PARP11: variants seen among roughly 807,000 people sequenced by gnomAD.
PARP11 encodes the protein poly(ADP-ribose) polymerase family member 11, also known as protein mono-ADP-ribosyltransferase PARP11.
Under a neutral mutation model 42.9 loss-of-function variants are expected in PARP11, and 31 were observed. The ratio of observed to expected loss-of-function variants is 0.72; its 90% CI spans 0.54 to 0.98. The LOEUF is 0.98. Ranked by LOEUF, PARP11 falls within the 50% of genes least tolerant of loss-of-function variation. The pLI is 0.00. For synonymous variants in PARP11, 137 were observed against 127.3 expected, an observed-to-expected ratio of 1.08 and a Z score of -0.51; for missense variants, 365 against 413.1, an observed-to-expected ratio of 0.88 and a Z score of 1.01.
chr12:3,840,929 C>A lies in PARP11; in HGVS notation c.19-10911G>T. The A allele has an allele frequency of 1.2e-6, 2 of 1,604,170 alleles. No homozygotes were observed. The highest frequency in any genetic ancestry group is 1.3e-5 in the African/African-American group (1 of 74,868). ...TCTCCAGAGGTACATCTAACTCCTG[C>A]AGTGCCTTCTTTACCAGCCACTGTG... On this transcript the variant is annotated intron_variant, in intron 1 of 7. Transcript: ENST00000228820. The surrounding 1 kb of genome is among the most constrained non-coding windows in gnomAD (Gnocchi z 4.4).
At chr12:3,847,159 G>C (rs565330829) in intron 1 of PARP11, among the ~76,000 whole-genome samples, 1 of 152,212 alleles carries the variant, frequency 6.6e-6, no homozygotes, top group Admixed American at 6.5e-5. Flanking sequence ...CCAACAATAA[G>C]TAACAAGATT....
At position 3,811,833 on chromosome 12, in the gene PARP11, C is replaced by T. The variant is rs1330755808; in HGVS notation, c.*290G>A. On this transcript the variant is annotated 3_prime_UTR_variant, in exon 8 of 8. Coordinates refer to ENST00000228820, the MANE Select transcript of PARP11 (RefSeq NM_020367.6). Reference sequence around the variant, plus strand: ...CGTAAACTTTAAAGATCTCAATGACCACATTAGTTGAGACTCAGCTGATTC... The same window carrying T: ...CGTAAACTTTAAAGATCTCAATGACTACATTAGTTGAGACTCAGCTGATTC... The T allele has an allele frequency of 4.8e-5, 16 of 331,192 alleles. No individual in the cohort carries two copies. Among genetic ancestry groups the T allele is most frequent in the Non-Finnish European group, 2.2e-5 (4 of 185,034 alleles). The allele number at this position is 331,192 out of a possible 1,614,324, so 20.5% of individuals were successfully genotyped here.
At chr12:3,814,248 ATTAATC>A (rs1487996890) in intron 6 of PARP11, 60 bp from the exon 7 acceptor site, 2 of 1,345,836 alleles carry the variant, frequency 1.5e-6, no homozygotes, top group Non-Finnish European at 2.0e-6. Context: ...AGTAGCATTT[ATTAATC>A]TTAATGAGCA....
Position 3,873,350 on chromosome 12 carries a change from C to G in PARP11, c.-121G>C, listed in dbSNP as rs1948530763. 4.5e-6 allele frequency: 4 copies of G among 893,604 alleles called. No homozygotes were observed. The highest frequency in any genetic ancestry group is 7.2e-6 in the Non-Finnish European group (4 of 555,832). The allele number at this position is 893,604 out of a possible 1,614,324, so 55.4% of individuals were successfully genotyped here. ...CGAAGGGACGGAGATGCAACCTTTA[C>G]GAAGGCCTTCCTCCTCCCCCTCCCT... On this transcript the variant is annotated 5_prime_UTR_variant, in exon 1 of 8. Transcript: ENST00000228820.
At chr12:3,845,448 G>C (rs1255702012) in intron 1 of PARP11, among the ~76,000 whole-genome samples, 1 of 152,198 alleles carries the variant, frequency 6.6e-6, no homozygotes, top group Non-Finnish European at 1.5e-5. Context: ...ACTTGCTTAT[G>C]ATTGACTTGG....
intron 1 of PARP11, among the ~76,000 whole-genome samples, chr12:3,866,329 TCTC>T (rs1029774541): frequency 6.6e-6 from 1 of 152,152 alleles, no homozygotes; most frequent in African/African-American, 2.4e-5. Context: ...CACTTTGACT[TCTC>T]CTCAGCTTGT....
In PARP11 at chr12:3,859,361, G is replaced by A. The variant is rs575451015; in HGVS notation, c.18+13851C>T. Among the ~76,000 whole-genome samples the A allele has an allele frequency of 8.6e-5, 13 of 151,922 alleles. No homozygotes were observed. The South Asian group carries it at 2.5e-3, about 29-fold the overall frequency. On this transcript the variant is annotated intron_variant, in intron 1 of 7. Transcript: ENST00000228820. Reference sequence around the variant, plus strand: ...GAGTGGATCACAAGGTCAGGAGATCGAGACCAACTTGACCAACACGGTGAA... The same window carrying A: ...GAGTGGATCACAAGGTCAGGAGATCAAGACCAACTTGACCAACACGGTGAA...
At chr12:3,830,571 CACAT>C (rs1947618392) in intron 1 of PARP11, among the ~76,000 whole-genome samples, 1 of 152,172 alleles carries the variant, frequency 6.6e-6, no homozygotes. Flanking sequence ...AATGTTTACA[CACAT>C]ATATAGAAAA....
Position 3,861,494 on chromosome 12 carries a change from T to C in PARP11, c.18+11718A>G, listed in dbSNP as rs144840918. Among the ~76,000 whole-genome samples the C allele has an allele frequency of 1.5e-3, 232 of 152,344 alleles. 3 individuals are homozygous for C. In the East Asian group the frequency reaches 0.029, roughly 19 times the overall value. ...TCTTCTTTGGTGCAGTGTCTATTCATATCTTTAGCTCACTTTAAAAAATTG... is the reference window on the plus strand; with the variant it reads ...TCTTCTTTGGTGCAGTGTCTATTCACATCTTTAGCTCACTTTAAAAAATTG... On this transcript the variant is annotated intron_variant, in intron 1 of 7. Transcript: ENST00000228820. The surrounding 1 kb of genome is among the most constrained non-coding windows in gnomAD (Gnocchi z 4.6).
rs776186682 is a variant in PARP11, at chr12:3,828,871, T to C, written c.268+39A>G. 5.1e-6 allele frequency: 8 copies of C among 1,582,422 alleles called. No homozygotes were observed. The Admixed American group carries it at 1.0e-4, about 20-fold the overall frequency. ...AGAGCTGTAGATTTTATCATATCAATATACTAAAAACACACAACTATTAGG... is the reference window on the plus strand; with the variant it reads ...AGAGCTGTAGATTTTATCATATCAACATACTAAAAACACACAACTATTAGG... On this transcript the variant is annotated intron_variant, in intron 3 of 7. Coordinates refer to ENST00000228820, the MANE Select transcript of PARP11 (RefSeq NM_020367.6).
At position 3,809,149 on chromosome 12, in the gene PARP11, C is replaced by T. The variant is rs113462095; in HGVS notation, c.*2974G>A. ...CTAGGTTTATGTCTATTCATTCTCCCCACCCACTCTATGGGATGATAACAG... is the reference window on the plus strand; with the variant it reads ...CTAGGTTTATGTCTATTCATTCTCCTCACCCACTCTATGGGATGATAACAG... On this transcript the variant is annotated 3_prime_UTR_variant, in exon 8 of 8. Transcript: ENST00000228820. The T allele has an allele frequency of 3.9e-5, 6 of 152,174 alleles. No homozygotes were observed. Among genetic ancestry groups the T allele is most frequent in the African/African-American group, 1.4e-4 (6 of 41,488 alleles). 9.4% of individuals were successfully genotyped at this position (152,174 alleles called of 1,614,324 possible). A position where few individuals can be genotyped will look rare whatever the true frequency, so the allele number is the denominator to read the frequency against.
rs941364624 is a variant in PARP11, at chr12:3,873,306, T to C, written c.-77A>G. 84 of 1,356,920 alleles carry C rather than the reference T, an allele frequency of 6.2e-5. No homozygotes were observed. The highest frequency in any genetic ancestry group is 3.6e-4 in the Middle Eastern group (2 of 5,620). 84.1% of individuals were successfully genotyped at this position (1,356,920 alleles called of 1,614,324 possible). A position where few individuals can be genotyped will look rare whatever the true frequency, so the allele number is the denominator to read the frequency against. The stretch of plus-strand genomic sequence containing the variant: ...GGCCTGGGTGTTGGATTTTTTTTTT[T>C]CCCGCGGGTCCCCGGGAGCGAAGGG... On this transcript the variant is annotated 5_prime_UTR_variant, in exon 1 of 8. Transcript: ENST00000228820.
At chr12:3,823,443 G>C (rs1185758110) in intron 4 of PARP11, among the ~76,000 whole-genome samples, 1 of 152,146 alleles carries the variant, frequency 6.6e-6, no homozygotes, top group East Asian at 1.9e-4. Flanking sequence ...AGATCTTTCT[G>C]TAACAGTGCA....
At chr12:3,856,229 C>T (rs140068882) in intron 1 of PARP11, among the ~76,000 whole-genome samples, 3 of 152,282 alleles carry the variant, frequency 2.0e-5, no homozygotes, top group African/African-American at 7.2e-5. Flanking sequence ...GACTTCATGA[C>T]TAAAACACCA....
chr12:3,851,688 G>C (rs1948097487), intron 1 of PARP11, among the ~76,000 whole-genome samples: 1 of 152,258 alleles, frequency 6.6e-6, no homozygotes, highest in African/African-American at 2.4e-5. Context: ...GCAGGGCATA[G>C]CTGAACAAAA....
chr12:3,857,785 T>G (rs1160107492), intron 1 of PARP11, among the ~76,000 whole-genome samples: 2 of 152,212 alleles, frequency 1.3e-5, no homozygotes, highest in African/African-American at 4.8e-5. Context: ...GTTCTGCTCA[T>G]CCTCCAGCTG....
intron 1 of PARP11, among the ~76,000 whole-genome samples, chr12:3,865,027 C>T (rs1029597864): frequency 1.3e-5 from 2 of 152,018 alleles, no homozygotes; most frequent in African/African-American, 4.8e-5. Context: ...TACAAATTTC[C>T]CTCTAAGTAC....
In PARP11 at chr12:3,821,890, C is replaced by A; in HGVS notation, c.531G>T (p.Leu177Phe). ...CATCTCACCTGCAAAAGAACTCCCA[C>A]AAATCTAGGTTTTGAATTCTCTGAA... is the stretch of plus-strand genomic sequence containing the variant. ...KRIQRIQNLDLWEFFCRKKAQ... is the reference protein window; with the variant it reads ...KRIQRIQNLDFWEFFCRKKAQ... The change falls in exon 6 of 8, where the codon TTG (leucine) becomes TTT (phenylalanine). Residue 177 changes from leucine to phenylalanine, a missense_variant. Physicochemically the swap from Leu to Phe is conservative, Grantham distance 22 (BLOSUM62 0). Coordinates refer to ENST00000228820, the MANE Select transcript of PARP11 (RefSeq NM_020367.6). The A allele has an allele frequency of 6.2e-7, 1 of 1,606,662 alleles. No homozygotes were observed. The highest frequency in any genetic ancestry group is 2.2e-5 in the East Asian group (1 of 44,834).
chr12:3,811,930 C>T lies in PARP11; in HGVS notation c.*193G>A, dbSNP rs1947186105. On this transcript the variant is annotated 3_prime_UTR_variant, in exon 8 of 8. Transcript: ENST00000228820. ...TATCAACTTTTAACAAACAAGACTA[C>T]AAGAAACAGGCAAAAACAAAACAAC... The T allele has an allele frequency of 7.4e-6, 4 of 541,850 alleles. No homozygotes were observed. Among genetic ancestry groups the T allele is most frequent in the Non-Finnish European group, 1.3e-5 (4 of 309,630 alleles). 33.6% of individuals were successfully genotyped at this position (541,850 alleles called of 1,614,324 possible). A position where few individuals can be genotyped will look rare whatever the true frequency, so the allele number is the denominator to read the frequency against.
Sources: gnomAD v4.1 joint callset for allele counts (sites outside exome capture counted in the v4.1 genomes callset) on GRCh38, gnomAD v4.1.1 for gene constraint, Gnocchi (gnomAD v3.1) non-coding constraint, MANE v1.5 for transcripts, NCBI Gene and HGNC (gene_info 2026-07-23, HGNC 2026-07-21) for gene names.